Variants in TGFBI observed in about 807,000 individuals in gnomAD.
TGFBI encodes the protein transforming growth factor-beta-induced protein ig-h3.
TGFBI carries 50 observed loss-of-function variants against 73.7 expected under a neutral mutation model. The ratio of observed to expected loss-of-function variants is 0.68; its 90% CI spans 0.54 to 0.86. The LOEUF (loss-of-function observed/expected upper bound fraction) is 0.86, where lower values mean the gene tolerates loss of function less well. Ranked by LOEUF, TGFBI falls within the 40% of genes least tolerant of loss-of-function variation. The pLI, the probability that TGFBI is intolerant of heterozygous loss-of-function variation, is 0.00. For synonymous variants in TGFBI, 362 were observed against 360.5 expected (o/e 1.00, Z -0.05); for missense variants, 839 against 877.0 (o/e 0.96, Z 0.55).
intron 11 of TGFBI, 157 bp from the exon 12 acceptor site, chr5:136,056,508 A>G: frequency 2.4e-6 from 2 of 847,720 alleles, no homozygotes; most frequent in East Asian, 5.3e-5. Context: ...CTCTTTGTGC[A>G]TACGGAGGGC....
intron 11 of TGFBI, 58 bp downstream of exon 11, chr5:136,055,874 G>A: frequency 2.0e-6 from 3 of 1,525,574 alleles, no homozygotes; most frequent in South Asian, 2.5e-5. Context: ...GGAGTGGGAT[G>A]TGGGGCCCCA....
chr5:136,057,589 G>A (rs903943295), intron 12 of TGFBI, among the ~76,000 whole-genome samples: 1 of 152,002 alleles, frequency 6.6e-6, no homozygotes. Context: ...AGCAGGAATG[G>A]GAGTTGCAGT....
intron 1 of TGFBI, among the ~76,000 whole-genome samples, chr5:136,029,805 G>A (rs1281930995): frequency 6.6e-6 from 1 of 152,226 alleles, no homozygotes; most frequent in Non-Finnish European, 1.5e-5. Flanking sequence ...CACACACACT[G>A]TTCAAATGGG....
chr5:136,038,767 A>G (rs1319006586), intron 2 of TGFBI, among the ~76,000 whole-genome samples: 1 of 151,816 alleles, frequency 6.6e-6, no homozygotes, highest in Admixed American at 6.6e-5. Context: ...CAGAGAAGGC[A>G]ACGTGATGAT....
Position 136,060,952 on chromosome 5 carries a change from C to G in TGFBI, c.1906+16C>G. 4 of 1,531,262 alleles carry G rather than the reference C, an allele frequency of 2.6e-6. No homozygotes were observed. The South Asian group carries it at 5.2e-5, about 20-fold the overall frequency. The allele number at this position is 1,531,262 out of a possible 1,614,324, so 94.9% of individuals were successfully genotyped here. ...CAGCCTCCAGGTAAGTGTCGCATCC[C>G]CACTGACTCTGCAGCCAGTCCTTTT... On this transcript the variant is annotated intron_variant, in intron 14 of 16. Coordinates refer to ENST00000442011, the MANE Select transcript of TGFBI (RefSeq NM_000358.3).
At chr5:136,033,240 G>A (rs1238782179) in intron 1 of TGFBI, among the ~76,000 whole-genome samples, 1 of 152,316 alleles carries the variant, frequency 6.6e-6, no homozygotes, top group Non-Finnish European at 1.5e-5. Context: ...TTGGAGAAAG[G>A]CTCCTGGGGG....
At position 136,062,677 on chromosome 5, in the gene TGFBI, T is replaced by C. The variant is rs760016493; in HGVS notation, c.2001T>C (p.Ser667=). ...ASAFSRASQR[S]VRLAPVYQKL... ...TTTTCTTTCAGGCTTCCCAGAGGTC[T>C]GTGCGACTAGGTGAGTCTGGTCTGG... Residue 667 remains serine (S), a synonymous_variant, in exon 16 of 17, where the codon TCT becomes TCC. Coordinates refer to ENST00000442011, the MANE Select transcript of TGFBI (RefSeq NM_000358.3). 80 of 1,568,040 alleles carry C rather than the reference T, an allele frequency of 5.1e-5. No homozygotes were observed. The South Asian group carries it at 9.3e-4, about 18-fold the overall frequency.
At chr5:136,039,877 C>T (rs1184811097) in intron 2 of TGFBI, among the ~76,000 whole-genome samples, 1 of 152,172 alleles carries the variant, frequency 6.6e-6, no homozygotes, top group Non-Finnish European at 1.5e-5. Flanking sequence ...GCAAACCATC[C>T]CAGGCAAGCA....
At chr5:136,043,901 G>A (rs777575385) in intron 2 of TGFBI, among the ~76,000 whole-genome samples, 157 bp from the exon 3 acceptor site, 1 of 152,336 alleles carries the variant, frequency 6.6e-6, no homozygotes, top group South Asian at 2.1e-4. Context: ...CTCAGGAAAG[G>A]CAGACCTATG....
At chr5:136,053,268 G>T in intron 8 of TGFBI, 149 bp downstream of exon 8, 1 of 726,794 alleles carries the variant, frequency 1.4e-6, no homozygotes, top group East Asian at 2.7e-5. Flanking sequence ...CAAATGTGTG[G>T]GTTGTGACCA....
At chr5:136,030,995 G>A (rs11242307) in intron 1 of TGFBI, among the ~76,000 whole-genome samples, 4,747 of 152,234 alleles carry the variant, frequency 0.031, 102 homozygotes, top group Non-Finnish European at 0.044. Context: ...TTTCTTAAAT[G>A]CAGATGCTCT....
intron 2 of TGFBI, among the ~76,000 whole-genome samples, chr5:136,038,262 C>T (rs1029785362): frequency 2.0e-5 from 3 of 152,196 alleles, no homozygotes; most frequent in South Asian, 2.1e-4. Context: ...TAGGTAGAAA[C>T]ATGACTTCCC....
intron 6 of TGFBI, chr5:136,048,312 G>C (rs1283974051): frequency 6.6e-6 from 1 of 152,224 alleles, no homozygotes. Context: ...AACAGCAATT[G>C]ATCCCTTTGC....
In TGFBI at chr5:136,044,060, T is replaced by C; in HGVS notation, c.236T>C (p.Val79Ala). The change falls in exon 3 of 17, where the codon GTC becomes GCC. Residue 79 changes from valine to alanine, a missense_variant and splice_region_variant. Coordinates refer to ENST00000442011, the MANE Select transcript of TGFBI (RefSeq NM_000358.3). ...YQRKICGKST[V>A]ISYECCPGYE... ...AATGTATGGTTGTCTTGTTACAGAG[T>C]CATCAGCTACGAGTGCTGTCCTGGA... 14 of 1,612,986 alleles carry C rather than the reference T, an allele frequency of 8.7e-6. No homozygotes were observed. Among genetic ancestry groups the C allele is most frequent in the Non-Finnish European group, 1.2e-5 (14 of 1,179,284 alleles).
At chr5:136,041,157 G>A (rs781333232) in intron 2 of TGFBI, among the ~76,000 whole-genome samples, 2 of 152,264 alleles carry the variant, frequency 1.3e-5, no homozygotes, top group Non-Finnish European at 2.9e-5. Flanking sequence ...CACTGGGGCT[G>A]AAGGCGTGGC....
At chr5:136,029,655 G>A (rs992245552) in intron 1 of TGFBI, among the ~76,000 whole-genome samples, 1 of 152,176 alleles carries the variant, frequency 6.6e-6, no homozygotes, top group African/African-American at 2.4e-5. Flanking sequence ...CAGCATCTAA[G>A]GTGCCCCAGG....
rs752717339 is a variant in TGFBI at position 136,052,897 on chromosome 5, T to C, written c.914-10T>C. On this transcript the variant is annotated splice_polypyrimidine_tract_variant and intron_variant, in intron 7 of 16. Coordinates refer to ENST00000442011, the MANE Select transcript of TGFBI (RefSeq NM_000358.3). ...GACCCTGACTTGACCTGAGTCTGTT[T>C]GGACCCCAGACCTGCTGAACAACCA... 33 of 1,612,720 alleles carry C rather than the reference T, an allele frequency of 2.0e-5. No homozygotes were observed. Among genetic ancestry groups the C allele is most frequent in the Non-Finnish European group, 2.8e-5 (33 of 1,178,930 alleles).
chr5:136,052,819 G>A, intron 7 of TGFBI, 88 bp from the exon 8 acceptor site: 1 of 1,299,400 alleles, frequency 7.7e-7, no homozygotes, highest in Admixed American at 2.0e-5. Context: ...GAGAGAACAG[G>A]ATCCTCACAG....
At position 136,044,379 on chromosome 5, in the gene TGFBI, A is replaced by G. The variant is rs530074848; in HGVS notation, c.298+257A>G. The stretch of plus-strand genomic sequence containing the variant: ...AGTAGACTCCAACTGTGGCCTGTCC[A>G]TGCCCTTCCCAGCAGGCACAGGCTC... On this transcript the variant is annotated intron_variant, in intron 3 of 16. Transcript: ENST00000442011. 5.6e-4 allele frequency among the ~76,000 whole-genome samples: 85 copies of G among 152,364 alleles called. No individual in the cohort carries two copies. The Middle Eastern group carries it at 0.014, about 24-fold the overall frequency.
Sources: allele counts gnomAD v4.1 joint callset (sites outside exome capture counted in the v4.1 genomes callset), GRCh38; gene constraint gnomAD v4.1.1; transcripts MANE v1.5; gene names NCBI Gene and HGNC (gene_info 2026-07-23, HGNC 2026-07-21).